The following TMEM237 variants were observed in gnomAD, a reference collection of about 807,000 sequenced individuals.
TMEM237 encodes the protein amyotrophic lateral sclerosis 2 (juvenile) chromosome region, candidate 4.
In TMEM237, 51 loss-of-function variants were observed where a neutral mutation model predicts 59.1. That is an observed-to-expected ratio of 0.86 (90% CI 0.69 to 1.09). The LOEUF (loss-of-function observed/expected upper bound fraction) is 1.09. Ranked by LOEUF, TMEM237 falls within the 50% of genes least tolerant of loss-of-function variation. The pLI is 0.00. For synonymous variants in TMEM237, 140 were observed against 166.1 expected (o/e 0.84, Z 1.21); for missense variants, 475 against 478.3 (o/e 0.99, Z 0.06).
rs748298490 is a variant in TMEM237 at position 201,632,081 on chromosome 2, G to A, written c.523C>T (p.Pro175Ser). 1 of 1,613,820 alleles carries A rather than the reference G, an allele frequency of 6.2e-7. No homozygotes were observed. Residue 175 changes from proline (P) to serine (S), a missense_variant, in exon 7 of 13, where the codon CCT (proline) becomes TCT (serine). Transcript: ENST00000409883. ...VFTAPTGISQ[P>S]VGKVFVEKSR... ...TTTTCCACAAATACTTTGCCTACAG[G>A]CTGGCTAATGCCAGTGGGTGCAGTG...
chr2:201,643,317 T>C lies in TMEM237; in HGVS notation c.42+42A>G. On this transcript the variant is annotated intron_variant, in intron 1 of 12. Coordinates refer to ENST00000409883, the MANE Select transcript of TMEM237 (RefSeq NM_001044385.3). This position sits in a 1 kb window ranked among gnomAD's most constrained non-coding sequence, Gnocchi z 4.3. Reference sequence around the variant, plus strand: ...ACCCCCACTGCCAAGTGTAGCTGTTTACCCGCCACCTCTCGAGGCCGACGC... The same window carrying C: ...ACCCCCACTGCCAAGTGTAGCTGTTCACCCGCCACCTCTCGAGGCCGACGC... The C allele has an allele frequency of 1.3e-6, 2 of 1,538,312 alleles. No individual in the cohort carries two copies. The highest frequency in any genetic ancestry group is 1.8e-6 in the Non-Finnish European group (2 of 1,139,486).
At position 201,625,380 on chromosome 2, in the gene TMEM237, A is replaced by G. The variant is rs114432010; in HGVS notation, c.1159+646T>C. Among the ~76,000 whole-genome samples, 476 of 152,240 alleles carry G rather than the reference A, an allele frequency of 3.1e-3. 4 individuals carry two copies. Among genetic ancestry groups the G allele is most frequent in the Middle Eastern group, 6.8e-3 (2 of 294 alleles). On this transcript the variant is annotated intron_variant, in intron 12 of 12. Coordinates refer to ENST00000409883, the MANE Select transcript of TMEM237 (RefSeq NM_001044385.3). ...CCATCTCCAAAAATAAAAAATAAAA[A>G]AAAAAAGATATTCAAGGGTAAAACT...
Position 201,643,325 on chromosome 2 carries a change from A to G in TMEM237, c.42+34T>C. On this transcript the variant is annotated intron_variant, in intron 1 of 12. Coordinates refer to ENST00000409883, the MANE Select transcript of TMEM237 (RefSeq NM_001044385.3). This position sits in a 1 kb window ranked among gnomAD's most constrained non-coding sequence, Gnocchi z 4.3. The stretch of plus-strand genomic sequence containing the variant: ...TGCCAAGTGTAGCTGTTTACCCGCC[A>G]CCTCTCGAGGCCGACGCGCCCCTCG... The G allele has an allele frequency of 7.0e-7, 1 of 1,418,964 alleles. No individual in the cohort carries two copies. The highest frequency in any genetic ancestry group is 1.6e-5 in the African/African-American group (1 of 60,930). The allele number at this position is 1,418,964 out of a possible 1,614,324, so 87.9% of individuals were successfully genotyped here. A position where few individuals can be genotyped will look rare whatever the true frequency, so the allele number is the denominator to read the frequency against.
intron 2 of TMEM237, 95 bp downstream of exon 2, chr2:201,640,798 C>A: frequency 3.9e-6 from 4 of 1,033,178 alleles, no homozygotes; most frequent in Non-Finnish European, 4.1e-6. Context: ...TTTCCTGAAT[C>A]ATTGTAATTT....
rs369857777 is a variant in TMEM237, at chr2:201,640,931, C to T, written c.43-7G>A. 1.5e-5 allele frequency: 24 copies of T among 1,598,188 alleles called. No homozygotes were observed. The African/African-American group carries it at 1.6e-4, about 11-fold the overall frequency. ...GAAGAGCTCGTGGAGGACGCTGTGG[C>T]GGAAAAAATAAATTTGCTTGTAAGT... On this transcript the variant is annotated splice_polypyrimidine_tract_variant and splice_region_variant and intron_variant, in intron 1 of 12. Coordinates refer to ENST00000409883, the MANE Select transcript of TMEM237 (RefSeq NM_001044385.3).
At chr2:201,636,660 G>T in intron 5 of TMEM237, 88 bp downstream of exon 5, 1 of 1,447,540 alleles carries the variant, frequency 6.9e-7, no homozygotes, top group Non-Finnish European at 9.3e-7. Flanking sequence ...GATATGGATA[G>T]GGGGAAAGAA....
intron 5 of TMEM237, chr2:201,634,828 C>T: frequency 2.3e-6 from 1 of 428,508 alleles, no homozygotes; most frequent in African/African-American, 2.1e-5. Context: ...CTCCATTCTC[C>T]TGACTTTTCT....
At position 201,620,352 on chromosome 2, in the gene TMEM237, TTAA is replaced by T. The variant is rs1292759929; in HGVS notation, c.*3900_*3902del. On this transcript the variant is annotated 3_prime_UTR_variant, in exon 13 of 13. Transcript: ENST00000409883. ...GACCAACTCAAAGGTCAGCTTTTAG[TTAA>T]CTCTTATATCCCCATACACATATCC... 6.6e-6 allele frequency: 1 copy of T among 152,188 alleles called. No homozygotes were observed. Among genetic ancestry groups the T allele is most frequent in the East Asian group, 1.9e-4 (1 of 5,200 alleles). The allele number at this position is 152,188 out of a possible 1,614,324, so 9.4% of individuals were successfully genotyped here. A position where few individuals can be genotyped will look rare whatever the true frequency, so the allele number is the denominator to read the frequency against.
Position 201,636,796 on chromosome 2 carries a change from G to T in TMEM237, c.226C>A (p.Pro76Thr), listed in dbSNP as rs367728637. Residue 76 changes from proline to threonine, a missense_variant, in exon 5 of 13, where the codon CCA becomes ACA. By Grantham distance (38) the Pro-to-Thr change is conservative. Transcript: ENST00000409883. ...TGTCTTCTTTGAACAGGAGCCTCTGGGTGCTCTTTGAGTTCTTTAGTTGAT... is the reference window on the plus strand; with the variant it reads ...TGTCTTCTTTGAACAGGAGCCTCTGTGTGCTCTTTGAGTTCTTTAGTTGAT... ...EPSTKELKEH[P>T]EAPVQRRQKK... 53 of 1,592,610 alleles carry T rather than the reference G, an allele frequency of 3.3e-5. No individual in the cohort carries two copies. The highest frequency in any genetic ancestry group is 4.4e-5 in the Non-Finnish European group (51 of 1,169,032).
chr2:201,638,794 C>G (rs770684378), intron 4 of TMEM237, 195 bp downstream of exon 4: 1 of 608,896 alleles, frequency 1.6e-6, no homozygotes, highest in Non-Finnish European at 2.9e-6. Context: ...CGTCCAGATA[C>G]TCCTCAGGCT....
At chr2:201,633,245 T>A in intron 6 of TMEM237, 66 bp downstream of exon 6, 1 of 1,506,756 alleles carries the variant, frequency 6.6e-7, no homozygotes, top group African/African-American at 1.4e-5. Flanking sequence ...AGCTACTGCT[T>A]CGGAGCTCCA....
chr2:201,628,183 GT>G, intron 9 of TMEM237, 34 bp from the exon 10 acceptor site: 1 of 1,457,874 alleles, frequency 6.9e-7, no homozygotes, highest in Non-Finnish European at 9.5e-7. Flanking sequence ...TCACAGCGCA[GT>G]TGTAAACTTA....
chr2:201,621,663 T>C lies in TMEM237; in HGVS notation c.*2592A>G, dbSNP rs543104060. The C allele has an allele frequency of 1.3e-3, 198 of 152,760 alleles. 1 individual carries two copies. The highest frequency in any genetic ancestry group is 4.4e-3 in the African/African-American group (181 of 41,562). The allele number at this position is 152,760 out of a possible 1,614,324, so 9.5% of individuals were successfully genotyped here. A position where few individuals can be genotyped will look rare whatever the true frequency, so the allele number is the denominator to read the frequency against. On this transcript the variant is annotated 3_prime_UTR_variant, in exon 13 of 13. Transcript: ENST00000409883. ...ACAGAGTTTTAGAAACTGAGCTCTT[T>C]GTACCTGGCCAAGGGCTCTGATCAG...
chr2:201,623,089 CAAA>C lies in TMEM237; in HGVS notation c.*1163_*1165del, dbSNP rs550458582. ...TCGGCAGCTCCAGCCTTACAAACAG[CAAA>C]AGAGATTCCCAGTATAATGTTCACT... On this transcript the variant is annotated 3_prime_UTR_variant, in exon 13 of 13. Coordinates refer to ENST00000409883, the MANE Select transcript of TMEM237 (RefSeq NM_001044385.3). 11 of 176,642 alleles carry C rather than the reference CAAA, an allele frequency of 6.2e-5. No homozygotes were observed. Among genetic ancestry groups the C allele is most frequent in the Admixed American group, 2.1e-4 (4 of 19,230 alleles). 10.9% of individuals were successfully genotyped at this position (176,642 alleles called of 1,614,324 possible). A position where few individuals can be genotyped will look rare whatever the true frequency, so the allele number is the denominator to read the frequency against.
chr2:201,626,711 G>A lies in TMEM237; in HGVS notation c.1038-564C>T, dbSNP rs148165939. On this transcript the variant is annotated intron_variant, in intron 11 of 12. Coordinates refer to ENST00000409883, the MANE Select transcript of TMEM237 (RefSeq NM_001044385.3). ...ATCCCAGCTACTCACTCCCATCACT[G>A]TTCTGGGATATGAAACTCCCTGACA... 1.8e-3 allele frequency among the ~76,000 whole-genome samples: 276 copies of A among 152,176 alleles called. 2 individuals carry two copies. The highest frequency in any genetic ancestry group is 6.2e-3 in the African/African-American group (258 of 41,518).
intron 9 of TMEM237, 38 bp from the exon 10 acceptor site, chr2:201,628,187 T>C: frequency 7.0e-7 from 1 of 1,427,768 alleles, no homozygotes; most frequent in Non-Finnish European, 9.7e-7. Flanking sequence ...AGCGCAGTTG[T>C]AAACTTAACA....
chr2:201,637,518 C>T (rs1422711085), intron 4 of TMEM237, among the ~76,000 whole-genome samples: 8 of 152,058 alleles, frequency 5.3e-5, no homozygotes, highest in Admixed American at 2.0e-4. Context: ...CCAAAGCAGG[C>T]GGATCACATG....
At chr2:201,632,968 A>C (rs1420543944) in intron 6 of TMEM237, among the ~76,000 whole-genome samples, 1 of 152,216 alleles carries the variant, frequency 6.6e-6, no homozygotes, top group African/African-American at 2.4e-5. Flanking sequence ...TGTTAACATA[A>C]GAAAATAAAT....
Position 201,620,221 on chromosome 2 carries a change from C to A in TMEM237, c.*4034G>T, listed in dbSNP as rs929659169. 6.6e-6 allele frequency: 1 copy of A among 152,138 alleles called. No individual in the cohort carries two copies. Among genetic ancestry groups the A allele is most frequent in the Non-Finnish European group, 1.5e-5 (1 of 68,024 alleles). The allele number at this position is 152,138 out of a possible 1,614,324, so 9.4% of individuals were successfully genotyped here. A position where few individuals can be genotyped will look rare whatever the true frequency, so the allele number is the denominator to read the frequency against. On this transcript the variant is annotated 3_prime_UTR_variant, in exon 13 of 13. Transcript: ENST00000409883. ...GAACTTCTTTATTGTACATAAAAAT[C>A]TGAATTTCTTAATATGGAAACCAAA...
Sources: allele counts gnomAD v4.1 joint callset (sites outside exome capture counted in the v4.1 genomes callset), GRCh38; gene constraint gnomAD v4.1.1; non-coding constraint Gnocchi (gnomAD v3.1); transcripts MANE v1.5; gene names NCBI Gene and HGNC (gene_info 2026-07-23, HGNC 2026-07-21).